Variants in ZNF385D observed in about 807,000 individuals in gnomAD.
ZNF385D encodes zinc finger protein 385D.
A neutral mutation model predicts 35.8 loss-of-function variants in ZNF385D; 15 were observed. The ratio of observed to expected loss-of-function variants is 0.42; its 90% CI spans 0.28 to 0.64. The LOEUF (loss-of-function observed/expected upper bound fraction) is 0.64. ZNF385D is among the 30% of genes least tolerant of loss of function. ZNF385D has a pLI of 0.23. For missense variants in ZNF385D, 474 were observed against 494.6 expected (o/e 0.96, Z 0.39); for synonymous variants, 212 against 186.8 (o/e 1.13, Z -1.10).
chr3:21,761,960 C>A (rs537788622), intron 3 of ZNF385D, among the ~76,000 whole-genome samples: 6 of 141,564 alleles, frequency 4.2e-5, no homozygotes, highest in East Asian at 2.3e-4. Flanking sequence ...CTCACTGCAA[C>A]CTCTGACTTC....
rs6783621 is a variant in ZNF385D at position 22,250,644 on chromosome 3, A to T, written c.107-81609T>A. Among the ~76,000 whole-genome samples, 511 of 152,234 alleles carry T rather than the reference A, an allele frequency of 3.4e-3. 5 individuals carry two copies. Among genetic ancestry groups the T allele is most frequent in the African/African-American group, 0.012 (479 of 41,542 alleles). On this transcript the variant is annotated intron_variant, in intron 2 of 5. Coordinates refer to the ZNF385D transcript ENST00000494108. The stretch of plus-strand genomic sequence containing the variant: ...GTTAAGAATTTCTGATGAGAGAAGA[A>T]TATTAAACAAAGCACAGGGTCCTTC...
chr3:22,286,651 A>C (rs1046736809), intron 2 of ZNF385D, among the ~76,000 whole-genome samples: 1 of 152,114 alleles, frequency 6.6e-6, no homozygotes, highest in Non-Finnish European at 1.5e-5. Context: ...ATTTGACTCA[A>C]TAGTTGTTCA....
At chr3:22,354,620 TTTTAATGG>T (rs1399515595) in intron 2 of ZNF385D, among the ~76,000 whole-genome samples, 3 of 151,970 alleles carry the variant, frequency 2.0e-5, no homozygotes, top group Non-Finnish European at 4.4e-5. Context: ...GTTACCATGG[TTTTAATGG>T]TATAACAATA....
chr3:21,964,470 A>AT (rs377650103), intron 3 of ZNF385D, among the ~76,000 whole-genome samples: 725 of 68,090 alleles, frequency 0.011, 47 homozygotes, highest in Middle Eastern at 0.042. Flanking sequence ...AATTTCTCAG[A>AT]TTTTTTTTTT....
chr3:21,600,610 A>G (rs768096034), intron 2 of ZNF385D, among the ~76,000 whole-genome samples: 56 of 152,330 alleles, frequency 3.7e-4, no homozygotes, highest in Admixed American at 2.0e-3. Context: ...CTTGAATGCA[A>G]ATTTAAAGCT....
At chr3:22,337,082 T>C (rs924856919) in intron 2 of ZNF385D, among the ~76,000 whole-genome samples, 2 of 151,944 alleles carry the variant, frequency 1.3e-5, no homozygotes, top group African/African-American at 4.8e-5. Context: ...ATAAAAATTA[T>C]ATATTTAGTA....
intron 4 of ZNF385D, among the ~76,000 whole-genome samples, chr3:21,497,331 A>G (rs6781060): frequency 0.049 from 7,385 of 152,234 alleles, 614 homozygotes; most frequent in African/African-American, 0.17. Flanking sequence ...AGCTGGAAAT[A>G]CAGTTAACCA....
chr3:21,845,238 A>G (rs1695930752), intron 3 of ZNF385D, among the ~76,000 whole-genome samples: 2 of 151,966 alleles, frequency 1.3e-5, no homozygotes, highest in African/African-American at 4.8e-5. Context: ...GAGATTAAAC[A>G]TAAAGAAGAA....
At chr3:22,350,893 T>TTC (rs1285556362) in intron 2 of ZNF385D, among the ~76,000 whole-genome samples, 1 of 152,038 alleles carries the variant, frequency 6.6e-6, no homozygotes, top group Non-Finnish European at 1.5e-5. Flanking sequence ...CCTAAAACCA[T>TTC]TCTGGGGGAT....
chr3:22,320,159 G>C (rs191200310), intron 2 of ZNF385D, among the ~76,000 whole-genome samples: 8 of 151,824 alleles, frequency 5.3e-5, no homozygotes, highest in Admixed American at 1.3e-4. Context: ...TAAGGTCTTA[G>C]AGAAAACCCG....
At chr3:21,600,252 C>T (rs911148251) in intron 2 of ZNF385D, among the ~76,000 whole-genome samples, 13 of 152,190 alleles carry the variant, frequency 8.5e-5, no homozygotes, top group Non-Finnish European at 7.3e-5. Context: ...CCTCTACTTT[C>T]TTAATAAACT....
At chr3:21,492,776 A>AAAATAAAT (rs60627008) in intron 4 of ZNF385D, among the ~76,000 whole-genome samples, 54,680 of 140,660 alleles carry the variant, frequency 0.39, 11,039 homozygotes, top group East Asian at 0.53. Context: ...CTCTGTTTCA[A>AAAATAAAT]AAATAAATAA....
At chr3:21,906,564 A>C (rs1161187093) in intron 3 of ZNF385D, among the ~76,000 whole-genome samples, 1 of 152,012 alleles carries the variant, frequency 6.6e-6, no homozygotes. Context: ...TTCATATGTG[A>C]CCTTGCCTTC....
intron 4 of ZNF385D, among the ~76,000 whole-genome samples, chr3:21,479,126 A>G (rs764628747): frequency 1.0e-4 from 15 of 147,706 alleles, no homozygotes; most frequent in Non-Finnish European, 2.2e-4. Flanking sequence ...TTTATACTTG[A>G]AAGTATAAAA....
rs528439528 is a variant in ZNF385D at position 21,465,151 on chromosome 3, C to T, written c.440-27948G>A. On this transcript the variant is annotated intron_variant, in intron 4 of 7. Transcript: ENST00000281523. This position sits in a 1 kb window ranked among gnomAD's most constrained non-coding sequence, Gnocchi z 4.2. ...AGCATTTTTGTTAAATATTTCTTTGCACGTAAGTTTTCACTGTGCCCTTGA... is the reference window on the plus strand; with the variant it reads ...AGCATTTTTGTTAAATATTTCTTTGTACGTAAGTTTTCACTGTGCCCTTGA... 2.0e-5 allele frequency among the ~76,000 whole-genome samples: 3 copies of T among 152,186 alleles called. No individual in the cohort carries two copies. The East Asian group carries it at 5.8e-4, about 29-fold the overall frequency.
rs756324637 is a variant in ZNF385D, at chr3:21,564,547, T to G, written c.276+27A>C. 18 of 1,308,576 alleles carry G rather than the reference T, an allele frequency of 1.4e-5. 1 individual carries two copies. In the Admixed American group the frequency reaches 4.5e-4, roughly 33 times the overall value. 81.1% of individuals were successfully genotyped at this position (1,308,576 alleles called of 1,614,324 possible). On this transcript the variant is annotated intron_variant, in intron 3 of 7. Coordinates refer to ENST00000281523, the MANE Select transcript of ZNF385D (RefSeq NM_024697.3). ...AACAGCAAAATGTATTTTTTTTTTT[T>G]AAGTGAACACTAAATGATAAACTTA...
chr3:22,190,474 C>G (rs536063929), intron 2 of ZNF385D, among the ~76,000 whole-genome samples: 3 of 152,168 alleles, frequency 2.0e-5, no homozygotes, highest in South Asian at 2.1e-4. Context: ...GAAATTTTTC[C>G]AAATATATGT....
intron 2 of ZNF385D, among the ~76,000 whole-genome samples, chr3:21,586,157 A>G (rs545613452): frequency 1.3e-5 from 2 of 152,206 alleles, no homozygotes; most frequent in African/African-American, 4.8e-5. Flanking sequence ...AGTGAATTAT[A>G]TTTGTGCCAC....
At chr3:22,340,390 A>C (rs1342826869) in intron 2 of ZNF385D, among the ~76,000 whole-genome samples, 1 of 152,188 alleles carries the variant, frequency 6.6e-6, no homozygotes, top group South Asian at 2.1e-4. Flanking sequence ...TCACACCTGT[A>C]ATCTCAGCAC....
Sources: gnomAD v4.1 joint callset for allele counts (sites outside exome capture counted in the v4.1 genomes callset) on GRCh38, gnomAD v4.1.1 for gene constraint, Gnocchi (gnomAD v3.1) non-coding constraint, MANE v1.5 for transcripts, NCBI Gene and HGNC (gene_info 2026-07-23, HGNC 2026-07-21) for gene names.